Variants in FNTB observed in about 807,000 individuals in gnomAD.
FNTB encodes protein farnesyltransferase subunit beta.
FNTB carries 27 observed loss-of-function variants against 59.4 expected under a neutral mutation model. That is an observed-to-expected ratio of 0.45 (90% CI 0.34 to 0.63). FNTB has a LOEUF of 0.63. Among genes scored for constraint, FNTB ranks in the 20% least tolerant of loss-of-function variants. The pLI, the probability that FNTB is intolerant of heterozygous loss-of-function variation, is 0.02. For missense variants in FNTB, 449 were observed against 559.6 expected, an observed-to-expected ratio of 0.80 and a Z score of 1.99; for synonymous variants, 230 against 220.7, an observed-to-expected ratio of 1.04 and a Z score of -0.37.
chr14:64,998,581 T>C (rs955504671), intron 1 of FNTB, among the ~76,000 whole-genome samples: 4 of 152,184 alleles, frequency 2.6e-5, no homozygotes, highest in Admixed American at 6.5e-5. Flanking sequence ...TGGGATAGTT[T>C]TTGTTAATCA....
intron 7 of FNTB, among the ~76,000 whole-genome samples, chr14:65,038,545 C>T (rs1291438558): frequency 3.3e-5 from 5 of 151,632 alleles, no homozygotes; most frequent in Non-Finnish European, 7.4e-5. Flanking sequence ...TGGTGAAACC[C>T]TGTCTTTACT....
intron 1 of FNTB, among the ~76,000 whole-genome samples, chr14:64,995,815 G>A (rs997480417): frequency 6.6e-6 from 1 of 151,562 alleles, no homozygotes; most frequent in Admixed American, 6.6e-5. Context: ...CAGCAAACTT[G>A]AAAACATTCT....
chr14:65,005,338 CT>C (rs1361626028), intron 2 of FNTB, among the ~76,000 whole-genome samples: 1 of 152,086 alleles, frequency 6.6e-6, no homozygotes, highest in Non-Finnish European at 1.5e-5. Context: ...CAGTCAGAGT[CT>C]TTTTTTGAAA....
At chr14:65,043,828 C>CAA (rs749243788) in intron 8 of FNTB, among the ~76,000 whole-genome samples, 1,647 of 64,192 alleles carry the variant, frequency 0.026, 170 homozygotes, top group Non-Finnish European at 0.03. Flanking sequence ...GACTCCGTCT[C>CAA]AAAAAAAAAA....
chr14:64,994,239 A>G lies in FNTB; in HGVS notation c.144+7142A>G, dbSNP rs1486460391. ...CTGTCCAGAATGCAGGCATTTGGTT[A>G]GCTCTTCATTTATTTATTGCCATGG... On this transcript the variant is annotated intron_variant, in intron 1 of 11. Transcript: ENST00000246166. This position sits in a 1 kb window ranked among gnomAD's most constrained non-coding sequence, Gnocchi z 4.2. 6.6e-6 allele frequency among the ~76,000 whole-genome samples: 1 copy of G among 152,218 alleles called. No homozygotes were observed. Among genetic ancestry groups the G allele is most frequent in the East Asian group, 1.9e-4 (1 of 5,204 alleles).
chr14:65,034,642 G>A (rs568423094), intron 7 of FNTB, among the ~76,000 whole-genome samples: 1 of 152,238 alleles, frequency 6.6e-6, no homozygotes, highest in South Asian at 2.1e-4. Flanking sequence ...CCTGTGTTTG[G>A]TTCTCTTTTA....
At chr14:65,040,958 G>A (rs184424696) in intron 8 of FNTB, 39 bp downstream of exon 8, 1 of 1,605,338 alleles carries the variant, frequency 6.2e-7, no homozygotes, top group Admixed American at 1.7e-5. Flanking sequence ...CAGGCCCCAG[G>A]TCATGGTGAT....
intron 11 of FNTB, among the ~76,000 whole-genome samples, chr14:65,058,160 C>G (rs138510428): frequency 1.1e-4 from 17 of 150,422 alleles, no homozygotes; most frequent in African/African-American, 4.1e-4. Context: ...GAACTGACTT[C>G]TTTTCAATAT....
chr14:65,057,095 C>T (rs1481028948), intron 11 of FNTB, among the ~76,000 whole-genome samples: 1 of 152,180 alleles, frequency 6.6e-6, no homozygotes, highest in East Asian at 1.9e-4. Flanking sequence ...CGCACTACTG[C>T]AAGAACAGCA....
Position 65,012,233 on chromosome 14 carries a change from C to A in FNTB, c.210-84C>A. On this transcript the variant is annotated intron_variant, in intron 2 of 11. Transcript: ENST00000246166. This position sits in a 1 kb window ranked among gnomAD's most constrained non-coding sequence, Gnocchi z 5.0. ...GGGACGTCCTGAAGCTGAGTGTTTA[C>A]CCGTGTGTGTGTACGTGCACATACG... The A allele has an allele frequency of 6.4e-7, 1 of 1,551,952 alleles. No homozygotes were observed. The highest frequency in any genetic ancestry group is 1.1e-5 in the South Asian group (1 of 88,630).
At position 64,986,920 on chromosome 14, in the gene FNTB, A is replaced by T; in HGVS notation, c.-34A>T. The T allele has an allele frequency of 1.9e-6, 3 of 1,613,226 alleles. No individual in the cohort carries two copies. The highest frequency in any genetic ancestry group is 1.7e-6 in the Non-Finnish European group (2 of 1,179,238). On this transcript the variant is annotated 5_prime_UTR_variant, in exon 1 of 12. Transcript: ENST00000246166. ...AATGCGCGTTGTTGCTTAACGAAGC[A>T]GAGTCCTACACACTGTCTGCTGCTC...
At chr14:65,022,144 A>G (rs2061900005) in intron 4 of FNTB, 1 of 449,140 alleles carries the variant, frequency 2.2e-6, no homozygotes, top group Non-Finnish European at 4.5e-6. Context: ...TCTTCACTAT[A>G]TCAAGCTGAA....
chr14:65,040,234 TTGA>T (rs1309130270), intron 7 of FNTB, among the ~76,000 whole-genome samples: 1 of 150,942 alleles, frequency 6.6e-6, no homozygotes, highest in African/African-American at 2.4e-5. Flanking sequence ...TTATTTTAAC[TTGA>T]TGGTTATCAC....
chr14:65,014,706 T>C lies in FNTB; in HGVS notation c.283-919T>C, dbSNP rs535705950. Among the ~76,000 whole-genome samples, 1 of 152,024 alleles carries C rather than the reference T, an allele frequency of 6.6e-6. No homozygotes were observed. The highest frequency in any genetic ancestry group is 1.5e-5 in the Non-Finnish European group (1 of 67,972). The stretch of plus-strand genomic sequence containing the variant: ...GTGTGTGCCCGTAGTCCCAGCTACT[T>C]AGGAGGCTGAGGTGGGAGGATTGCT... On this transcript the variant is annotated intron_variant, in intron 3 of 11. Transcript: ENST00000246166. The surrounding 1 kb of genome is among the most constrained non-coding windows in gnomAD (Gnocchi z 5.1).
At position 65,062,337 on chromosome 14, in the gene FNTB, G is replaced by C. The variant is rs1195208079; in HGVS notation, c.*1025G>C. ...AATAAAATCAAGTGCTAGACACACT[G>C]GCTGCTACTAAGGCACTAGCCTCTG... On this transcript the variant is annotated 3_prime_UTR_variant, in exon 12 of 12. Transcript: ENST00000246166. The surrounding 1 kb of genome is among the most constrained non-coding windows in gnomAD (Gnocchi z 4.3). The C allele has an allele frequency of 6.6e-6, 1 of 152,346 alleles. No homozygotes were observed. Among genetic ancestry groups the C allele is most frequent in the Non-Finnish European group, 1.5e-5 (1 of 68,068 alleles). The allele number at this position is 152,346 out of a possible 1,614,324, so 9.4% of individuals were successfully genotyped here.
rs189142573 is a variant in FNTB at position 65,044,594 on chromosome 14, G to A, written c.955+151G>A. The A allele has an allele frequency of 2.1e-5, 23 of 1,107,362 alleles. No individual in the cohort carries two copies. In the African/African-American group the frequency reaches 2.9e-4, roughly 14 times the overall value. The allele number at this position is 1,107,362 out of a possible 1,614,324, so 68.6% of individuals were successfully genotyped here. A position where few individuals can be genotyped will look rare whatever the true frequency, so the allele number is the denominator to read the frequency against. ...CCAGTGTGGAACCTCATGCCGTGGG[G>A]CATGCGAATGCAGAGTAAGATTTAG... is the stretch of plus-strand genomic sequence containing the variant. On this transcript the variant is annotated intron_variant, in intron 9 of 11. Coordinates refer to ENST00000246166, the MANE Select transcript of FNTB (RefSeq NM_002028.4). This position sits in a 1 kb window ranked among gnomAD's most constrained non-coding sequence, Gnocchi z 5.5.
intron 1 of FNTB, among the ~76,000 whole-genome samples, chr14:65,002,425 A>G (rs1027644177): frequency 6.6e-6 from 1 of 152,140 alleles, no homozygotes; most frequent in Non-Finnish European, 1.5e-5. Context: ...CCTGGCCAAC[A>G]TGGTGAAACC....
chr14:65,042,732 G>A (rs1248653258), intron 8 of FNTB, among the ~76,000 whole-genome samples: 1 of 152,190 alleles, frequency 6.6e-6, no homozygotes, highest in Non-Finnish European at 1.5e-5. Flanking sequence ...CATGGGCTTA[G>A]GCACTGGAAA....
intron 2 of FNTB, chr14:65,006,387 A>T: frequency 1.3e-6 from 2 of 1,517,564 alleles, no homozygotes; most frequent in East Asian, 2.3e-5. Flanking sequence ...CCTCAATAAA[A>T]TGAATTATTC....
Sources: gnomAD v4.1 joint callset for allele counts (sites outside exome capture counted in the v4.1 genomes callset) on GRCh38, gnomAD v4.1.1 for gene constraint, Gnocchi (gnomAD v3.1) non-coding constraint, MANE v1.5 for transcripts, NCBI Gene and HGNC (gene_info 2026-07-23, HGNC 2026-07-21) for gene names.